Variants in STAU2 observed in about 807,000 individuals in gnomAD.
STAU2 encodes staufen double-stranded RNA binding protein 2, also known as double-stranded RNA-binding protein Staufen homolog 2.
STAU2 carries 20 observed loss-of-function variants against 65.9 expected under a neutral mutation model. That is an observed-to-expected ratio of 0.30 (90% CI 0.21 to 0.44). The LOEUF is 0.44. Ranked by LOEUF, STAU2 falls within the 20% of genes least tolerant of loss-of-function variation. The pLI, the probability that STAU2 is intolerant of heterozygous loss-of-function variation, is 1.00. For synonymous variants in STAU2, 232 were observed against 233.9 expected, an observed-to-expected ratio of 0.99 and a Z score of 0.07; for missense variants, 558 against 683.9, an observed-to-expected ratio of 0.82 and a Z score of 2.05.
At chr8:73,727,845 G>A (rs148024448) in intron 3 of STAU2, 1 of 152,276 alleles carries the variant, frequency 6.6e-6, no homozygotes, top group East Asian at 1.9e-4. Context: ...AACATACGAG[G>A]GTTCCAGTTT....
chr8:73,741,300 G>T (rs1400251069), intron 1 of STAU2, among the ~76,000 whole-genome samples: 1 of 73,302 alleles, frequency 1.4e-5, no homozygotes, highest in Non-Finnish European at 2.4e-5. Context: ...GCAAGACTCC[G>T]TCTCAAAAAA....
chr8:73,685,523 C>G (rs1586267324), intron 5 of STAU2, among the ~76,000 whole-genome samples: 2 of 151,906 alleles, frequency 1.3e-5, no homozygotes, highest in Middle Eastern at 3.4e-3. Context: ...ACTACAGGGG[C>G]CCGCCACTGC....
intron 13 of STAU2, among the ~76,000 whole-genome samples, chr8:73,455,413 G>A (rs1240484448): frequency 6.6e-6 from 1 of 152,134 alleles, no homozygotes; most frequent in South Asian, 2.1e-4. Flanking sequence ...GGGAGTCAAA[G>A]GCCATCATGT....
rs761412757 is a variant in STAU2, at chr8:73,650,483, C to T, written c.410+22624G>A. Among the ~76,000 whole-genome samples the T allele has an allele frequency of 1.0e-3, 152 of 152,050 alleles. 1 individual carries two copies. Among genetic ancestry groups the T allele is most frequent in the Middle Eastern group, 6.8e-3 (2 of 292 alleles). On this transcript the variant is annotated intron_variant, in intron 6 of 14. Coordinates refer to ENST00000524300, the MANE Select transcript of STAU2 (RefSeq NM_001164380.2). ...CTGGGTCACATTATTTTTAAAAATT[C>T]CTTAGCAAAGGTCAGAGTCAAAAAT...
At chr8:73,612,581 A>G (rs1301733096) in intron 9 of STAU2, among the ~76,000 whole-genome samples, 3 of 152,208 alleles carry the variant, frequency 2.0e-5, no homozygotes, top group African/African-American at 7.2e-5. Context: ...ATATAATTCC[A>G]GTTCAGGGAA....
Position 73,579,942 on chromosome 8 carries a change from T to C in STAU2, c.1222+2828A>G, listed in dbSNP as rs537343339. Reference sequence around the variant, plus strand: ...TGTTAGCAGTTTCCTATGACTGTAATCTTTTAAAAAATATCTTCCACTTAA... The same window carrying C: ...TGTTAGCAGTTTCCTATGACTGTAACCTTTTAAAAAATATCTTCCACTTAA... On this transcript the variant is annotated intron_variant, in intron 12 of 14. Transcript: ENST00000524300. 1.2e-4 allele frequency among the ~76,000 whole-genome samples: 18 copies of C among 152,350 alleles called. 1 individual carries two copies. In the South Asian group the frequency reaches 3.5e-3, roughly 30 times the overall value.
intron 9 of STAU2, among the ~76,000 whole-genome samples, chr8:73,608,217 T>C (rs1340247199): frequency 6.6e-6 from 1 of 152,196 alleles, no homozygotes; most frequent in Non-Finnish European, 1.5e-5. Context: ...TGTAGCCAGT[T>C]AAAACCTTAA....
chr8:73,698,192 T>C (rs2130583989), intron 4 of STAU2, among the ~76,000 whole-genome samples: 1 of 151,880 alleles, frequency 6.6e-6, no homozygotes, highest in South Asian at 2.1e-4. Context: ...AATTAAAGCA[T>C]ACCACCACAG....
chr8:73,497,980 C>T (rs1821520369), intron 13 of STAU2, among the ~76,000 whole-genome samples: 1 of 151,796 alleles, frequency 6.6e-6, no homozygotes, highest in African/African-American at 2.4e-5. Context: ...AATGATACAA[C>T]TTATGTACAC....
intron 13 of STAU2, among the ~76,000 whole-genome samples, chr8:73,505,188 G>C (rs150367443): frequency 9.3e-4 from 141 of 152,208 alleles, no homozygotes; most frequent in African/African-American, 3.3e-3. Context: ...CAGTGTGGCA[G>C]GCTTAATCAG....
chr8:73,666,201 T>G (rs1221380908), intron 6 of STAU2, among the ~76,000 whole-genome samples: 1 of 152,168 alleles, frequency 6.6e-6, no homozygotes, highest in Non-Finnish European at 1.5e-5. Context: ...TATGCAAAGT[T>G]TGAACAACCT....
intron 6 of STAU2, among the ~76,000 whole-genome samples, chr8:73,650,711 G>A (rs970164097): frequency 2.0e-5 from 3 of 152,120 alleles, no homozygotes; most frequent in African/African-American, 7.2e-5. Context: ...CACAAAAAGG[G>A]TGGGTTTTTT....
chr8:73,567,029 T>A (rs1195548534), intron 12 of STAU2, among the ~76,000 whole-genome samples: 3 of 152,186 alleles, frequency 2.0e-5, no homozygotes, highest in African/African-American at 4.8e-5. Flanking sequence ...AATCCAACAA[T>A]ACCACGCTGA....
intron 13 of STAU2, among the ~76,000 whole-genome samples, chr8:73,476,313 T>C (rs1297696309): frequency 1.3e-5 from 2 of 152,224 alleles, no homozygotes; most frequent in South Asian, 2.1e-4. Flanking sequence ...TTTTATCTTA[T>C]GATGCTCTTT....
intron 13 of STAU2, among the ~76,000 whole-genome samples, chr8:73,467,397 T>G (rs1478639478): frequency 2.6e-5 from 4 of 152,082 alleles, no homozygotes; most frequent in Non-Finnish European, 5.9e-5. Context: ...CCGGGCATGG[T>G]GGCGGGCGCC....
intron 13 of STAU2, among the ~76,000 whole-genome samples, chr8:73,494,097 G>A (rs1452532680): frequency 6.6e-6 from 1 of 151,714 alleles, no homozygotes; most frequent in Non-Finnish European, 1.5e-5. Flanking sequence ...CTTGACAGGG[G>A]TTTGAGTTGT....
chr8:73,606,159 C>T (rs1812022821), intron 9 of STAU2, among the ~76,000 whole-genome samples: 1 of 151,566 alleles, frequency 6.6e-6, no homozygotes, highest in Admixed American at 6.6e-5. Flanking sequence ...GGTTAGGTAA[C>T]AATTTCTTAG....
At chr8:73,669,194 G>C (rs1488681132) in intron 6 of STAU2, 30 of 666,962 alleles carry the variant, frequency 4.5e-5, no homozygotes, top group Non-Finnish European at 7.0e-5. Context: ...TGAGCAGAAA[G>C]AGCTTTTCAG....
intron 6 of STAU2, among the ~76,000 whole-genome samples, chr8:73,625,820 C>T (rs554447514): frequency 6.6e-6 from 1 of 152,096 alleles, no homozygotes; most frequent in Non-Finnish European, 1.5e-5. Context: ...TACTCTCATT[C>T]ACATTCTTGG....
Sources: allele counts gnomAD v4.1 joint callset (sites outside exome capture counted in the v4.1 genomes callset), GRCh38; gene constraint gnomAD v4.1.1; transcripts MANE v1.5; gene names NCBI Gene and HGNC (gene_info 2026-07-23, HGNC 2026-07-21).